The following PRMT8 variants were observed in gnomAD, a reference collection of about 807,000 sequenced individuals.
PRMT8 encodes the protein protein arginine N-methyltransferase 8.
PRMT8 carries 7 observed loss-of-function variants against 47.1 expected under a neutral mutation model. That is an observed-to-expected ratio of 0.15 (90% CI 0.08 to 0.28). The LOEUF (loss-of-function observed/expected upper bound fraction) is 0.28, where lower values mean the gene tolerates loss of function less well. Ranked by LOEUF, PRMT8 falls within the 10% of genes least tolerant of loss-of-function variation. PRMT8 has a pLI of 1.00. For synonymous variants in PRMT8, 188 were observed against 186.5 expected, an observed-to-expected ratio of 1.01 and a Z score of -0.07; for missense variants, 237 against 505.4, an observed-to-expected ratio of 0.47 and a Z score of 5.09.
intron 1 of PRMT8, among the ~76,000 whole-genome samples, chr12:3,534,307 C>A (rs980600780): frequency 1.3e-5 from 2 of 152,238 alleles, no homozygotes; most frequent in African/African-American, 4.8e-5. Flanking sequence ...GGGCTGGTGC[C>A]AGCAGGAGCC....
At position 3,526,616 on chromosome 12, in the gene PRMT8, T is replaced by C. The variant is rs79722918; in HGVS notation, c.76-13990T>C. ...GTTTGGATTTGCATTTCCCTAATTA[T>C]TGGTTCTATCAGTTTTTGTTTCATA... On this transcript the variant is annotated intron_variant, in intron 1 of 9. Transcript: ENST00000382622. Among the ~76,000 whole-genome samples the C allele has an allele frequency of 8.4e-3, 1,284 of 152,290 alleles. 19 individuals carry two copies. The highest frequency in any genetic ancestry group is 0.029 in the African/African-American group (1,222 of 41,566).
intron 1 of PRMT8, among the ~76,000 whole-genome samples, chr12:3,410,004 C>T (rs1864410436): frequency 6.6e-6 from 1 of 152,204 alleles, no homozygotes; most frequent in Admixed American, 6.5e-5. Flanking sequence ...CCTGTTACCT[C>T]TGGTTAGCTC....
chr12:3,471,591 G>C (rs541726760), intron 1 of PRMT8, among the ~76,000 whole-genome samples: 1 of 151,408 alleles, frequency 6.6e-6, no homozygotes, highest in African/African-American at 2.4e-5. Context: ...CCCAACCCCT[G>C]GGCTCCCTCA....
intron 1 of PRMT8, among the ~76,000 whole-genome samples, chr12:3,413,242 T>C (rs576777060): frequency 1.7e-4 from 26 of 152,280 alleles, no homozygotes; most frequent in Non-Finnish European, 3.1e-4. Flanking sequence ...CAAGATCTGA[T>C]GGTTTTATAA....
At chr12:3,491,895 G>T (rs1375528834) in intron 1 of PRMT8, among the ~76,000 whole-genome samples, 195 bp downstream of exon 1, 34 of 144,040 alleles carry the variant, frequency 2.4e-4, no homozygotes, top group East Asian at 4.1e-4. Flanking sequence ...TGTGTTGGTG[G>T]GGGGTGGGGG....
Position 3,566,005 on chromosome 12 carries a change from T to C in PRMT8, c.482-2701T>C, listed in dbSNP as rs1006345458. On this transcript the variant is annotated intron_variant, in intron 4 of 9. Coordinates refer to ENST00000382622, the MANE Select transcript of PRMT8 (RefSeq NM_019854.5). The surrounding 1 kb of genome is among the most constrained non-coding windows in gnomAD (Gnocchi z 4.7). Reference sequence around the variant, plus strand: ...ATCTTCTAGGGCTACAGAGAGGTCATGATATAAATGCAGGAGGAGGAACTG... The same window carrying C: ...ATCTTCTAGGGCTACAGAGAGGTCACGATATAAATGCAGGAGGAGGAACTG... Among the ~76,000 whole-genome samples the C allele has an allele frequency of 6.6e-6, 1 of 151,974 alleles. No homozygotes were observed. The highest frequency in any genetic ancestry group is 1.5e-5 in the Non-Finnish European group (1 of 67,998).
intron 1 of PRMT8, among the ~76,000 whole-genome samples, chr12:3,523,993 T>C (rs1403845178): frequency 6.6e-6 from 1 of 152,248 alleles, no homozygotes; most frequent in Non-Finnish European, 1.5e-5. Flanking sequence ...TGCCCTGGGC[T>C]AATGTCTGGT....
chr12:3,471,526 T>G (rs1168276234), intron 1 of PRMT8, among the ~76,000 whole-genome samples: 1 of 151,698 alleles, frequency 6.6e-6, no homozygotes, highest in Non-Finnish European at 1.5e-5. Context: ...TCTGGTTGTC[T>G]CCCCATCTTC....
intron 1 of PRMT8, among the ~76,000 whole-genome samples, chr12:3,411,471 T>C (rs1864429007): frequency 1.3e-5 from 2 of 152,200 alleles, no homozygotes; most frequent in Non-Finnish European, 2.9e-5. Flanking sequence ...CAGTACATAC[T>C]GGAGGTGGAA....
In PRMT8 at chr12:3,436,202, A is replaced by G. The variant is rs1864739739; in HGVS notation, c.48+54760A>G. 6.6e-6 allele frequency among the ~76,000 whole-genome samples: 1 copy of G among 152,204 alleles called. No homozygotes were observed. Among genetic ancestry groups the G allele is most frequent in the Non-Finnish European group, 1.5e-5 (1 of 68,026 alleles). On this transcript the variant is annotated intron_variant, in intron 1 of 9. Transcript: ENST00000452611. The surrounding 1 kb of genome is among the most constrained non-coding windows in gnomAD (Gnocchi z 4.2). Reference sequence around the variant, plus strand: ...CGTTTGTGACCTTGTGAGGATGGTTAGGATCCAATCACACACTAAGTTCGT... The same window carrying G: ...CGTTTGTGACCTTGTGAGGATGGTTGGGATCCAATCACACACTAAGTTCGT...
intron 1 of PRMT8, among the ~76,000 whole-genome samples, chr12:3,482,678 G>A (rs1382215699): frequency 6.6e-6 from 1 of 152,122 alleles, no homozygotes; most frequent in East Asian, 1.9e-4. Context: ...TCTGGGGCTG[G>A]GGTGTCCTTT....
chr12:3,458,178 C>T (rs566430507), intron 1 of PRMT8, among the ~76,000 whole-genome samples: 7 of 152,194 alleles, frequency 4.6e-5, no homozygotes, highest in Admixed American at 3.3e-4. Context: ...GTGTTTTAAT[C>T]GTGTATCCTC....
intron 2 of PRMT8, among the ~76,000 whole-genome samples, chr12:3,549,175 G>T (rs1866375785): frequency 6.6e-6 from 1 of 152,184 alleles, no homozygotes; most frequent in Non-Finnish European, 1.5e-5. Context: ...AAATGTTCTA[G>T]ATTTTGGTTA....
At chr12:3,400,433 C>T (rs1294005967) in intron 1 of PRMT8, among the ~76,000 whole-genome samples, 1 of 152,142 alleles carries the variant, frequency 6.6e-6, no homozygotes, top group African/African-American at 2.4e-5. Context: ...TTCCTGGACA[C>T]ATACACCCTC....
intron 9 of PRMT8, 71 bp downstream of exon 9, chr12:3,592,423 G>T: frequency 1.3e-6 from 2 of 1,518,292 alleles, no homozygotes; most frequent in South Asian, 1.3e-5. Context: ...GGACCCACTT[G>T]CCCGGGTTCT....
intron 1 of PRMT8, among the ~76,000 whole-genome samples, chr12:3,495,103 A>G (rs371680976): frequency 9.9e-5 from 15 of 151,340 alleles, no homozygotes; most frequent in African/African-American, 3.6e-4. Context: ...CTCCAGTCCC[A>G]CTCTCCTCTT....
chr12:3,450,186 AAAAGTGGTGGTTTC>A, intron 1 of PRMT8, among the ~76,000 whole-genome samples: 1 of 152,358 alleles, frequency 6.6e-6, no homozygotes, highest in East Asian at 1.9e-4. Flanking sequence ...CCAAAACTCA[AAAAGTGGTGGTTTC>A]TTAAATGTTT....
chr12:3,401,217 AC>A (rs1864313184), intron 1 of PRMT8, among the ~76,000 whole-genome samples: 1 of 151,988 alleles, frequency 6.6e-6, no homozygotes, highest in Non-Finnish European at 1.5e-5. Context: ...AGAACTAAAG[AC>A]AAAAACCACA....
chr12:3,463,122 T>C (rs1412207877), intron 1 of PRMT8: 1 of 152,188 alleles, frequency 6.6e-6, no homozygotes, highest in Non-Finnish European at 1.5e-5. Context: ...GACATTATGC[T>C]TAGTGTGTTA....
Sources: gnomAD v4.1 joint callset for allele counts (sites outside exome capture counted in the v4.1 genomes callset) on GRCh38, gnomAD v4.1.1 for gene constraint, Gnocchi (gnomAD v3.1) non-coding constraint, MANE v1.5 for transcripts, NCBI Gene and HGNC (gene_info 2026-07-23, HGNC 2026-07-21) for gene names.